EIF4G1: variants seen among roughly 807,000 people sequenced by gnomAD.
EIF4G1 encodes the protein EIF4-gamma.
A neutral mutation model predicts 187.8 loss-of-function variants in EIF4G1; 4 were observed. The ratio of observed to expected loss-of-function variants is 0.02; its 90% CI spans 0.01 to 0.05. EIF4G1 has a LOEUF of 0.05. Ranked by LOEUF, EIF4G1 falls within the 10% of genes least tolerant of loss-of-function variation. The probability of loss-of-function intolerance (pLI) is 1.00; values close to 1 mark genes in which losing one functional copy is unlikely to be tolerated. For synonymous variants in EIF4G1, 844 were observed against 781.4 expected (o/e 1.08, Z -1.34); for missense variants, 1,647 against 2,081.1 (o/e 0.79, Z 4.06).
chr3:184,333,709 CAGAA>C (rs1034679850), intron 32 of EIF4G1, among the ~76,000 whole-genome samples: 5 of 152,236 alleles, frequency 3.3e-5, no homozygotes, highest in Admixed American at 2.6e-4. Flanking sequence ...TTAAGTGAGA[CAGAA>C]AGAAGGGAAA....
intron 3 of EIF4G1, 47 bp from the exon 4 acceptor site, chr3:184,316,085 C>G (rs545277269): frequency 6.2e-7 from 1 of 1,612,314 alleles, no homozygotes; most frequent in South Asian, 1.1e-5. Flanking sequence ...GGGTTTCTGC[C>G]CCACCTGGGC....
At chr3:184,319,423 AGG>A (rs1560209286) in intron 6 of EIF4G1, among the ~76,000 whole-genome samples, 2 of 137,998 alleles carry the variant, frequency 1.4e-5, no homozygotes, top group East Asian at 4.3e-4. Context: ...CCTGCCTACG[AGG>A]GGTGTGTGTG....
At chr3:184,316,322 T>C in intron 4 of EIF4G1, 104 bp downstream of exon 4, 1 of 1,420,284 alleles carries the variant, frequency 7.0e-7, no homozygotes, top group Non-Finnish European at 9.7e-7. Flanking sequence ...TACCTGGCCT[T>C]AATCCTCTGT....
chr3:184,321,495 C>T lies in EIF4G1; in HGVS notation c.911C>T (p.Ser304Phe), dbSNP rs761454352. 6.2e-7 allele frequency: 1 copy of T among 1,614,222 alleles called. No individual in the cohort carries two copies. The change falls in exon 10 of 33, where the codon TCC becomes TTC. Residue 304 changes from serine to phenylalanine, a missense_variant. Ser to Phe is a radical substitution (Grantham distance 155, BLOSUM62 -2). Coordinates refer to ENST00000346169, the MANE Select transcript of EIF4G1 (RefSeq NM_198241.3). The stretch of plus-strand genomic sequence containing the variant: ...TCTGTAGAAGAATCAACCCCCATCT[C>T]CCGTGAAACTGGGGAGCCATATCGC... ...QMSVEESTPI[S>F]RETGEPYRLS... is the part of the protein sequence containing the mutation.
chr3:184,315,499 G>A lies in EIF4G1; in HGVS notation c.-81G>A. 1.5e-6 allele frequency: 1 copy of A among 678,750 alleles called. No homozygotes were observed. Among genetic ancestry groups the A allele is most frequent in the Non-Finnish European group, 2.8e-6 (1 of 362,920 alleles). 42.0% of individuals were successfully genotyped at this position (678,750 alleles called of 1,614,324 possible). A position where few individuals can be genotyped will look rare whatever the true frequency, so the allele number is the denominator to read the frequency against. On this transcript the variant is annotated 5_prime_UTR_variant, in exon 2 of 33. It removes an upstream start codon present in the reference 5' UTR. Transcript: ENST00000346169. ...ACCTCCCAACCCCAGGCCCTCGGAT[G>A]CCCAGAACCTGTAGGCCGCACCGTG...
chr3:184,326,656 T>C (rs1317670307), intron 22 of EIF4G1, 27 bp downstream of exon 22: 9 of 1,604,918 alleles, frequency 5.6e-6, no homozygotes, highest in Non-Finnish European at 6.8e-6. Context: ...AGGAGCTGGG[T>C]GGTTACCCGT....
chr3:184,328,126 G>A (rs1386530649), intron 26 of EIF4G1, 124 bp downstream of exon 26: 3 of 1,169,288 alleles, frequency 2.6e-6, no homozygotes, highest in Admixed American at 3.6e-5. Context: ...GCTTATGCCT[G>A]TAATCCCTGC....
chr3:184,323,047 G>C lies in EIF4G1; in HGVS notation c.1930-36G>C. ...CCTGAAAGAGTAGTCAACCGCTCTA[G>C]CCTGCTTCTGAGACCTTTTCCTGTC... On this transcript the variant is annotated intron_variant, in intron 13 of 32. Coordinates refer to ENST00000346169, the MANE Select transcript of EIF4G1 (RefSeq NM_198241.3). The surrounding 1 kb of genome is among the most constrained non-coding windows in gnomAD (Gnocchi z 6.9). 1 of 1,614,204 alleles carries C rather than the reference G, an allele frequency of 6.2e-7. No individual in the cohort carries two copies.
intron 4 of EIF4G1, chr3:184,316,783 C>T (rs756966442): frequency 8.3e-6 from 13 of 1,572,482 alleles, no homozygotes; most frequent in South Asian, 4.5e-5. Context: ...CATCCTTACC[C>T]TCCACCCTAG....
At chr3:184,316,659 C>A (rs1722838161) in intron 4 of EIF4G1, 1 of 1,545,550 alleles carries the variant, frequency 6.5e-7, no homozygotes, top group East Asian at 2.3e-5. Context: ...ATTCCCTCCC[C>A]CCGCCATCAC....
chr3:184,320,615 GCTTT>G lies in EIF4G1; in HGVS notation c.538-9_538-6del, dbSNP rs1435790120. ...CTTCCTGCTTCCCACTCATCTTATA[GCTTT>G]CTTTCCCCAGATCCGAATTCGAGAT... On this transcript the variant is annotated splice_polypyrimidine_tract_variant and intron_variant, in intron 7 of 32. Coordinates refer to ENST00000346169, the MANE Select transcript of EIF4G1 (RefSeq NM_198241.3). The G allele has an allele frequency of 1.2e-6, 2 of 1,614,056 alleles. No homozygotes were observed. The highest frequency in any genetic ancestry group is 1.7e-6 in the Non-Finnish European group (2 of 1,179,984).
rs909505210 is a variant in EIF4G1 at position 184,319,595 on chromosome 3, TGA to T, written c.425-90_425-89del. 6 of 826,314 alleles carry T rather than the reference TGA, an allele frequency of 7.3e-6. No homozygotes were observed. In the African/African-American group the frequency reaches 1.0e-4, roughly 14 times the overall value. The allele number at this position is 826,314 out of a possible 1,614,324, so 51.2% of individuals were successfully genotyped here. On this transcript the variant is annotated intron_variant, in intron 6 of 32. Coordinates refer to ENST00000346169, the MANE Select transcript of EIF4G1 (RefSeq NM_198241.3). ...AAGGCAAGGGGCCGGCTGTGGGTGG[TGA>T]GAGGTTTTGGGGTGGGAGGTGTCAG...
In EIF4G1 at chr3:184,328,903, T is replaced by C; in HGVS notation, c.4080-6T>C. On this transcript the variant is annotated splice_polypyrimidine_tract_variant and splice_region_variant and intron_variant, in intron 27 of 32. Coordinates refer to ENST00000346169, the MANE Select transcript of EIF4G1 (RefSeq NM_198241.3). ...CTGTCAGCATTAGGTTTTTCTCTTC[T>C]TGTAGGGAGATTACAAAGCCTCTGA... is the stretch of plus-strand genomic sequence containing the variant. The C allele has an allele frequency of 6.2e-7, 1 of 1,614,174 alleles. No homozygotes were observed.
In EIF4G1 at chr3:184,317,773, A is replaced by C; in HGVS notation, c.381A>C (p.Pro127=). The C allele has an allele frequency of 6.2e-7, 1 of 1,614,138 alleles. No homozygotes were observed. The highest frequency in any genetic ancestry group is 8.5e-7 in the Non-Finnish European group (1 of 1,180,004). ...TQQYPVQPGA[P]GFYPGASPTE... ...AGTACCCTGTGCAGCCAGGAGCCCCAGGCTTCTATCCAGGTGCAAGCCCTA... is the reference window on the plus strand; with the variant it reads ...AGTACCCTGTGCAGCCAGGAGCCCCCGGCTTCTATCCAGGTGCAAGCCCTA... The change falls in exon 6 of 33, where the codon CCA becomes CCC. Residue 127 remains proline (P), a synonymous_variant. Coordinates refer to ENST00000346169, the MANE Select transcript of EIF4G1 (RefSeq NM_198241.3).
chr3:184,321,792 T>C lies in EIF4G1; in HGVS notation c.1208T>C (p.Leu403Pro). 1 of 1,612,670 alleles carries C rather than the reference T, an allele frequency of 6.2e-7. No individual in the cohort carries two copies. Among genetic ancestry groups the C allele is most frequent in the Non-Finnish European group, 8.5e-7 (1 of 1,178,846 alleles). The part of the protein sequence containing the change: ...PIAPTAQPEE[L>P]LNGAPSPPAV... ...GCTCCAACTGCCCAACCTGAGGAACTGCTCAACGGAGCCCCCTCGCCACCA... is the reference window on the plus strand; with the variant it reads ...GCTCCAACTGCCCAACCTGAGGAACCGCTCAACGGAGCCCCCTCGCCACCA... Residue 403 changes from leucine (L) to proline (P), a missense_variant, in exon 10 of 33, where the codon CTG becomes CCG. Leu to Pro is a moderately conservative substitution (Grantham distance 98). Coordinates refer to ENST00000346169, the MANE Select transcript of EIF4G1 (RefSeq NM_198241.3).
Position 184,334,979 on chromosome 3 carries a change from G to C in EIF4G1, c.*71G>C. 2.5e-6 allele frequency: 4 copies of C among 1,595,488 alleles called. No individual in the cohort carries two copies. Among genetic ancestry groups the C allele is most frequent in the Admixed American group, 3.4e-5 (2 of 58,202 alleles). On this transcript the variant is annotated 3_prime_UTR_variant, in exon 33 of 33. Coordinates refer to ENST00000346169, the MANE Select transcript of EIF4G1 (RefSeq NM_198241.3). This position sits in a 1 kb window ranked among gnomAD's most constrained non-coding sequence, Gnocchi z 5.8. ...GCCCGGCTAGCCGCCTGGACTGCAG[G>C]GGGGCGGCAGCAGCGGCGGTGGCAG...
At position 184,327,441 on chromosome 3, in the gene EIF4G1, G is replaced by T; in HGVS notation, c.3654G>T (p.Arg1218=). Residue 1218 remains arginine, a synonymous_variant, in exon 24 of 33, where the codon CGG becomes CGT. Transcript: ENST00000346169. ...ASLTEDRDRG[R]DAVKREAALP... ...TCACGGAGGATCGGGACCGTGGGCG[G>T]GATGCCGGTGAGAGTCTGGGAGAGG... is the stretch of plus-strand genomic sequence containing the variant. 1.2e-6 allele frequency: 2 copies of T among 1,613,582 alleles called. No individual in the cohort carries two copies. The highest frequency in any genetic ancestry group is 2.2e-5 in the East Asian group (1 of 44,886).
chr3:184,322,141 G>C (rs1724001787), intron 10 of EIF4G1, 38 bp downstream of exon 10: 3 of 1,613,874 alleles, frequency 1.9e-6, no homozygotes, highest in Non-Finnish European at 2.5e-6. Context: ...GGGCGGGCTA[G>C]GGGATATCGT....
In EIF4G1 at chr3:184,322,417, G is replaced by C; in HGVS notation, c.1575G>C (p.Glu525Asp). Residue 525 changes from glutamate to aspartate, a missense_variant, in exon 11 of 33, where the codon GAG becomes GAC. By Grantham distance (45) the Glu-to-Asp change is conservative. Around this residue, in one of 11 missense-constraint regions of EIF4G1, gnomAD observed 522 missense variants for 485.2 expected, o/e 1.08. Transcript: ENST00000346169. Reference sequence around the variant, plus strand: ...AAATTAAGGAGCTAAATAAGAAGGAGGCTGTTGGAGACCTTCTGGATGCCT... The same window carrying C: ...AAATTAAGGAGCTAAATAAGAAGGACGCTGTTGGAGACCTTCTGGATGCCT... ...RRKIKELNKK[E>D]AVGDLLDAFK... The C allele has an allele frequency of 6.2e-7, 1 of 1,614,212 alleles. No individual in the cohort carries two copies. Among genetic ancestry groups the C allele is most frequent in the Non-Finnish European group, 8.5e-7 (1 of 1,180,040 alleles).
Sources: allele counts gnomAD v4.1 joint callset (sites outside exome capture counted in the v4.1 genomes callset), GRCh38; gene constraint gnomAD v4.1.1; regional missense constraint gnomAD v4.1.1; non-coding constraint Gnocchi (gnomAD v3.1); transcripts MANE v1.5; gene names NCBI Gene and HGNC (gene_info 2026-07-23, HGNC 2026-07-21).